The following HELZ variants were observed in gnomAD, a reference collection of about 807,000 sequenced individuals.
The protein encoded by HELZ is ATP-dependent RNA helicase with zinc finger domain.
Under a neutral mutation model 218.2 loss-of-function variants are expected in HELZ, and 23 were observed. The ratio of observed to expected loss-of-function variants is 0.11; its 90% CI spans 0.08 to 0.15. HELZ has a LOEUF of 0.15. Ranked by LOEUF, HELZ falls within the 10% of genes least tolerant of loss-of-function variation. HELZ has a pLI of 1.00. For missense variants in HELZ, 1,813 were observed against 2,353.7 expected, an observed-to-expected ratio of 0.77 and a Z score of 4.75; for synonymous variants, 814 against 829.4, an observed-to-expected ratio of 0.98 and a Z score of 0.32.
intron 13 of HELZ, among the ~76,000 whole-genome samples, chr17:67,172,275 G>C (rs2039335036): frequency 6.6e-6 from 1 of 152,092 alleles, no homozygotes. Flanking sequence ...CTTCCATGGG[G>C]CCCTTGTGCA....
upstream of HELZ, chr17:67,245,205 A>G (rs900638655): frequency 1.0e-6 from 1 of 985,364 alleles, no homozygotes; most frequent in Middle Eastern, 5.2e-4. Context: ...ACAAAGCATT[A>G]TGGGTAAGAA....
At chr17:67,153,167 G>A (rs1051586835) in intron 17 of HELZ, among the ~76,000 whole-genome samples, 8 of 152,086 alleles carry the variant, frequency 5.3e-5, no homozygotes, top group South Asian at 2.1e-4. Context: ...GATGCAGGTC[G>A]GGTGAAGGTG....
rs190396100 is a variant in HELZ at position 67,080,962 on chromosome 17, T to G, written c.5495-2376A>C. ...CACTAAGCTTAAATTGGACACGTAG[T>G]TGCTCAGCTAGTGACTACATTTCCC... On this transcript the variant is annotated intron_variant, in intron 32 of 32. Coordinates refer to ENST00000358691, the MANE Select transcript of HELZ (RefSeq NM_014877.4). 2.0e-5 allele frequency among the ~76,000 whole-genome samples: 3 copies of G among 152,346 alleles called. No homozygotes were observed. In the East Asian group the frequency reaches 5.8e-4, roughly 29 times the overall value.
At chr17:67,244,504 G>C in intron 1 of HELZ, 1 of 700,438 alleles carries the variant, frequency 1.4e-6, no homozygotes. Context: ...GTACTCTCAA[G>C]GAATCTCCAG....
At chr17:67,183,078 C>T (rs1009418124) in intron 12 of HELZ, among the ~76,000 whole-genome samples, 6 of 152,126 alleles carry the variant, frequency 3.9e-5, no homozygotes, top group Admixed American at 1.3e-4. Context: ...AGATGAAATG[C>T]TTCCTAATTC....
chr17:67,136,717 T>C (rs2038163325), intron 22 of HELZ, among the ~76,000 whole-genome samples: 1 of 152,108 alleles, frequency 6.6e-6, no homozygotes, highest in Admixed American at 6.6e-5. Context: ...ACTATATAAT[T>C]CCATTTATAT....
chr17:67,220,749 A>G (rs2040721476), intron 3 of HELZ, among the ~76,000 whole-genome samples: 1 of 152,026 alleles, frequency 6.6e-6, no homozygotes, highest in Non-Finnish European at 1.5e-5. Context: ...GCTTCAGCCA[A>G]CCAAAGTGCT....
chr17:67,157,117 G>A (rs2144088588), intron 17 of HELZ, among the ~76,000 whole-genome samples: 1 of 152,234 alleles, frequency 6.6e-6, no homozygotes, highest in Non-Finnish European at 1.5e-5. Flanking sequence ...GCTTCCTGAG[G>A]CCTCCCTAGA....
Position 67,146,187 on chromosome 17 carries a change from T to C in HELZ, c.2622-297A>G, listed in dbSNP as rs543464855. On this transcript the variant is annotated intron_variant, in intron 20 of 32. Transcript: ENST00000358691. ...TGAGGAAATTTGCTAGCCTGTATAT[T>C]TCCTTGGTTAATTTTTTTTTATTTA... 2.6e-5 allele frequency among the ~76,000 whole-genome samples: 4 copies of C among 152,296 alleles called. No individual in the cohort carries two copies. The South Asian group carries it at 8.3e-4, about 32-fold the overall frequency.
rs145233884 is a variant in HELZ at position 67,183,231 on chromosome 17, T to G, written c.1163-4305A>C. On this transcript the variant is annotated intron_variant, in intron 12 of 32. Transcript: ENST00000358691. ...GTGATCCATTTCTATATCCTTTCTT[T>G]CACCCAAACTGCCACATGGAAGCAA... Among the ~76,000 whole-genome samples, 897 of 152,292 alleles carry G rather than the reference T, an allele frequency of 5.9e-3. 10 individuals are homozygous for G. Among genetic ancestry groups the G allele is most frequent in the African/African-American group, 0.021 (861 of 41,560 alleles).
chr17:67,118,381 C>T (rs2037491569), intron 27 of HELZ, among the ~76,000 whole-genome samples: 2 of 151,830 alleles, frequency 1.3e-5, no homozygotes, highest in Admixed American at 1.3e-4. Flanking sequence ...TCAAAATGGA[C>T]CTAATTAATG....
At chr17:67,126,875 T>C (rs2037815737) in intron 24 of HELZ, among the ~76,000 whole-genome samples, 1 of 150,776 alleles carries the variant, frequency 6.6e-6, no homozygotes, top group Non-Finnish European at 1.5e-5. Flanking sequence ...ATAATAATAG[T>C]AATAATAATG....
At chr17:67,131,779 T>C (rs1341307209) in intron 23 of HELZ, among the ~76,000 whole-genome samples, 1 of 152,198 alleles carries the variant, frequency 6.6e-6, no homozygotes, top group African/African-American at 2.4e-5. Flanking sequence ...TTCTAAACTT[T>C]CAGGGAAATG....
chr17:67,161,089 A>C lies in HELZ; in HGVS notation c.1896-13T>G. On this transcript the variant is annotated splice_polypyrimidine_tract_variant and intron_variant, in intron 15 of 32. Coordinates refer to ENST00000358691, the MANE Select transcript of HELZ (RefSeq NM_014877.4). ...TTCATCCCATTGTCTATGGAAAATA[A>C]AAATTTATGTTAAACACATGCATCT... The C allele has an allele frequency of 1.3e-6, 2 of 1,578,130 alleles. No homozygotes were observed. Among genetic ancestry groups the C allele is most frequent in the Non-Finnish European group, 8.6e-7 (1 of 1,161,756 alleles).
chr17:67,190,348 C>T lies in HELZ; in HGVS notation c.565G>A (p.Glu189Lys). Residue 189 changes from glutamate (E) to lysine (K), a missense_variant, in exon 10 of 33, where the codon GAA (glutamate) becomes AAA (lysine). Around this residue, in one of 4 missense-constraint regions of HELZ, gnomAD observed 714 missense variants for 1,029.2 expected, o/e 0.69. Coordinates refer to ENST00000358691, the MANE Select transcript of HELZ (RefSeq NM_014877.4). Reference protein sequence around the residue: ...EEYTLCKRFLEQGICRYGAQC... With the variant: ...EEYTLCKRFLKQGICRYGAQC... ...GCACCATACCTACAGATTCCTTGTT[C>T]TAAAAATCTAAGTAGAATAGGAAAG... 6.2e-7 allele frequency: 1 copy of T among 1,610,536 alleles called. No homozygotes were observed. Among genetic ancestry groups the T allele is most frequent in the Non-Finnish European group, 8.5e-7 (1 of 1,176,774 alleles).
At chr17:67,160,821 C>T in intron 16 of HELZ, 76 bp downstream of exon 16, 3 of 1,078,564 alleles carry the variant, frequency 2.8e-6, no homozygotes, top group Non-Finnish European at 3.9e-6. Context: ...TCTTGCTAGC[C>T]CTCATTGTGT....
rs762066376 is a variant in HELZ at position 67,078,224 on chromosome 17, A to G, written c.*28T>C. ...TACTGATACAAACAGAAATTAAAAC[A>G]TTCTCCCTTGAGGGAAAAAAAAAGT... On this transcript the variant is annotated 3_prime_UTR_variant, in exon 33 of 33. Coordinates refer to ENST00000358691, the MANE Select transcript of HELZ (RefSeq NM_014877.4). 15 of 1,511,990 alleles carry G rather than the reference A, an allele frequency of 9.9e-6. 1 individual carries two copies. In the South Asian group the frequency reaches 1.1e-4, roughly 11 times the overall value. 93.7% of individuals were successfully genotyped at this position (1,511,990 alleles called of 1,614,324 possible). A position where few individuals can be genotyped will look rare whatever the true frequency, so the allele number is the denominator to read the frequency against.
Position 67,188,641 on chromosome 17 carries a change from T to C in HELZ, c.865-25A>G. 1.3e-6 allele frequency: 2 copies of C among 1,598,810 alleles called. No homozygotes were observed. Among genetic ancestry groups the C allele is most frequent in the Non-Finnish European group, 1.7e-6 (2 of 1,169,034 alleles). ...GCTACAAGGAAGTTAAAATAATTCA[T>C]TGAGTACAAGGGGGTGAAAAATCCA... is the stretch of plus-strand genomic sequence containing the variant. On this transcript the variant is annotated intron_variant, in intron 11 of 32. Coordinates refer to ENST00000358691, the MANE Select transcript of HELZ (RefSeq NM_014877.4). The surrounding 1 kb of genome is among the most constrained non-coding windows in gnomAD (Gnocchi z 4.1).
At chr17:67,219,548 T>A (rs2040689613) in intron 3 of HELZ, among the ~76,000 whole-genome samples, 1 of 152,114 alleles carries the variant, frequency 6.6e-6, no homozygotes, top group Non-Finnish European at 1.5e-5. Flanking sequence ...AGAGCAAATG[T>A]GAGCTTTTCA....
Sources: gnomAD v4.1 joint callset for allele counts (sites outside exome capture counted in the v4.1 genomes callset) on GRCh38, gnomAD v4.1.1 for gene constraint, gnomAD v4.1.1 regional missense constraint, Gnocchi (gnomAD v3.1) non-coding constraint, MANE v1.5 for transcripts, NCBI Gene and HGNC (gene_info 2026-07-23, HGNC 2026-07-21) for gene names.